WDR49: variants seen among roughly 807,000 people sequenced by gnomAD.
WDR49 encodes the protein cilia- and flagella-associated protein 337.
WDR49 carries 107 observed loss-of-function variants against 119.5 expected under a neutral mutation model. The observed-to-expected ratio is 0.90, with a 90% CI of 0.77 to 1.05. The LOEUF is 1.05. WDR49 is among the 50% of genes least tolerant of loss of function. The probability of loss-of-function intolerance (pLI) is 0.00; values close to 1 mark genes in which losing one functional copy is unlikely to be tolerated. For synonymous variants in WDR49, 425 were observed against 418.8 expected, an observed-to-expected ratio of 1.01 and a Z score of -0.18; for missense variants, 1,240 against 1,220.5, an observed-to-expected ratio of 1.02 and a Z score of -0.24.
At chr3:167,601,607 A>C (rs1715775149) in intron 7 of WDR49, among the ~76,000 whole-genome samples, 1 of 151,420 alleles carries the variant, frequency 6.6e-6, no homozygotes, top group Non-Finnish European at 1.5e-5. Context: ...CTAGTGCCAT[A>C]TTTTTTTTTC....
chr3:167,583,328 C>A (rs1372960638), intron 7 of WDR49, among the ~76,000 whole-genome samples: 1 of 151,906 alleles, frequency 6.6e-6, no homozygotes, highest in Non-Finnish European at 1.5e-5. Context: ...CATGAGAATT[C>A]CGATTAAATT....
At chr3:167,620,759 A>G (rs1054617178) in intron 4 of WDR49, among the ~76,000 whole-genome samples, 156 bp from the exon 5 acceptor site, 4 of 152,186 alleles carry the variant, frequency 2.6e-5, no homozygotes, top group Non-Finnish European at 4.4e-5. Context: ...AAAAAACAGA[A>G]CAATTATTAG....
intron 5 of WDR49, among the ~76,000 whole-genome samples, chr3:167,611,917 A>G (rs1223091141): frequency 6.6e-6 from 1 of 152,186 alleles, no homozygotes; most frequent in Non-Finnish European, 1.5e-5. Context: ...CACTTTCAGC[A>G]CTGGACAGAA....
chr3:167,507,167 G>A (rs931363626), intron 16 of WDR49, among the ~76,000 whole-genome samples: 2 of 151,842 alleles, frequency 1.3e-5, no homozygotes, highest in Non-Finnish European at 2.9e-5. Flanking sequence ...AAGAGGGGAT[G>A]GGGGGGTAGT....
intron 16 of WDR49, among the ~76,000 whole-genome samples, chr3:167,519,534 A>G (rs572690534): frequency 2.8e-4 from 42 of 152,184 alleles, no homozygotes; most frequent in Non-Finnish European, 5.6e-4. Flanking sequence ...TAACTCAGGA[A>G]CAGAAAACAA....
chr3:167,545,841 T>G (rs1290038169), intron 10 of WDR49, among the ~76,000 whole-genome samples: 1 of 150,480 alleles, frequency 6.6e-6, no homozygotes, highest in Non-Finnish European at 1.5e-5. Context: ...AAACACCACC[T>G]GTACCCCCAA....
In WDR49 at chr3:167,626,951, C is replaced by T. The variant is rs1195128901; in HGVS notation, c.507G>A (p.Glu169=). 8.3e-6 allele frequency: 11 copies of T among 1,325,516 alleles called. No homozygotes were observed. Among genetic ancestry groups the T allele is most frequent in the East Asian group, 5.7e-5 (2 of 35,142 alleles). 82.1% of individuals were successfully genotyped at this position (1,325,516 alleles called of 1,614,324 possible). ...GGAATGTTTCTTGCAGCTTTAAATG[C>T]TCTCCCCAGATTGCCAATAAACCTT... ...SKEGLLAIWG[E]HLKLQETFPI... Residue 169 remains glutamate (E), a synonymous_variant, in exon 3 of 19, where the codon GAG becomes GAA. Coordinates refer to ENST00000682715, the MANE Select transcript of WDR49 (RefSeq NM_001366157.1).
intron 8 of WDR49, 138 bp from the exon 9 acceptor site, chr3:167,560,366 C>G: frequency 1.2e-6 from 1 of 855,666 alleles, no homozygotes; most frequent in Non-Finnish European, 1.7e-6. Flanking sequence ...AATGGACTTT[C>G]TTTCTATTAA....
chr3:167,609,943 C>T (rs371541239), intron 5 of WDR49, among the ~76,000 whole-genome samples: 4 of 152,244 alleles, frequency 2.6e-5, no homozygotes, highest in South Asian at 4.1e-4. Context: ...CAACCTGGGC[C>T]GGAAGGGAAC....
In WDR49 at chr3:167,522,386, C is replaced by T. The variant is rs757870839; in HGVS notation, c.2703G>A (p.Lys901=). The T allele has an allele frequency of 4.3e-6, 7 of 1,610,418 alleles. No individual in the cohort carries two copies. The Admixed American group carries it at 1.0e-4, about 23-fold the overall frequency. Residue 901 remains lysine, a synonymous_variant, in exon 16 of 19, where the codon AAG becomes AAA. Transcript: ENST00000682715. ...CTGTTGGGTCTAAACAAGATTCCTC[C>T]TTAGAAAATAAAGAAATTTCCTTTT... ...EIQKEISLFS[K]EESCLDPTEH...
intron 10 of WDR49, among the ~76,000 whole-genome samples, chr3:167,549,477 T>C (rs992009218): frequency 6.6e-6 from 1 of 152,186 alleles, no homozygotes; most frequent in South Asian, 2.1e-4. Context: ...GTCTGTTGGC[T>C]GCATAAATGT....
intron 17 of WDR49, among the ~76,000 whole-genome samples, chr3:167,505,049 T>G (rs1043684481): frequency 1.3e-5 from 2 of 152,222 alleles, no homozygotes; most frequent in East Asian, 3.8e-4. Context: ...TTCTGGCATT[T>G]TTTTATAGCA....
chr3:167,516,561 T>G (rs1397373822), intron 16 of WDR49, among the ~76,000 whole-genome samples: 1 of 152,098 alleles, frequency 6.6e-6, no homozygotes, highest in Non-Finnish European at 1.5e-5. Flanking sequence ...AATAAACATA[T>G]GTGTGCATGT....
intron 16 of WDR49, among the ~76,000 whole-genome samples, chr3:167,516,598 C>A (rs145784003): frequency 6.6e-6 from 1 of 152,132 alleles, no homozygotes; most frequent in African/African-American, 2.4e-5. Context: ...GATATATGAT[C>A]CTTTGGGTAT....
intron 7 of WDR49, among the ~76,000 whole-genome samples, chr3:167,596,039 C>T (rs2108300170): frequency 7.0e-6 from 1 of 143,842 alleles, no homozygotes; most frequent in African/African-American, 2.6e-5. Flanking sequence ...AACAAACAAC[C>T]CCATCAAAAA....
intron 17 of WDR49, among the ~76,000 whole-genome samples, chr3:167,503,750 C>T (rs973042777): frequency 4.5e-4 from 69 of 152,030 alleles, no homozygotes; most frequent in African/African-American, 1.5e-3. Context: ...AAGCTCAGCC[C>T]GAGCCATAAC....
rs193232573 is a variant in WDR49 at position 167,564,598 on chromosome 3, C to T, written c.1510-4370G>A. ...TATCTCTTATCAGGCTAGACTTCAG[C>T]TGATGAGGACGGGGCCCTGACAGTC... On this transcript the variant is annotated intron_variant, in intron 8 of 18. Coordinates refer to ENST00000682715, the MANE Select transcript of WDR49 (RefSeq NM_001366157.1). Among the ~76,000 whole-genome samples the T allele has an allele frequency of 2.6e-5, 4 of 152,298 alleles. No homozygotes were observed. In the East Asian group the frequency reaches 7.7e-4, roughly 29 times the overall value.
At chr3:167,508,671 C>G (rs1454661178) in intron 16 of WDR49, among the ~76,000 whole-genome samples, 1 of 152,110 alleles carries the variant, frequency 6.6e-6, no homozygotes, top group Non-Finnish European at 1.5e-5. Context: ...GTGGCACTCC[C>G]CCAAATAACA....
At chr3:167,555,660 G>A (rs1335597471) in intron 9 of WDR49, among the ~76,000 whole-genome samples, 2 of 152,110 alleles carry the variant, frequency 1.3e-5, no homozygotes, top group Non-Finnish European at 1.5e-5. Flanking sequence ...CCCAACTGGT[G>A]TCCTCTGTAA....
Sources: allele counts gnomAD v4.1 joint callset (sites outside exome capture counted in the v4.1 genomes callset), GRCh38; gene constraint gnomAD v4.1.1; transcripts MANE v1.5; gene names NCBI Gene and HGNC (gene_info 2026-07-23, HGNC 2026-07-21).